Variants in ZNF273 observed in about 807,000 individuals in gnomAD.
ZNF273 encodes the protein zinc finger protein 273, also known as zinc finger protein 9.
Under a neutral mutation model 14.9 loss-of-function variants are expected in ZNF273, and 11 were observed. The ratio of observed to expected loss-of-function variants is 0.74; its 90% CI spans 0.46 to 1.22. ZNF273 has a LOEUF of 1.22. Ranked by LOEUF, ZNF273 falls within the 50% of genes most tolerant of loss-of-function variation. ZNF273 has a pLI of 0.00. For missense variants in ZNF273, 577 were observed against 660.6 expected (o/e 0.87, Z 1.39); for synonymous variants, 199 against 223.9 (o/e 0.89, Z 0.99).
intron 1 of ZNF273, chr7:64,888,442 T>C (rs1250449270): frequency 4.1e-6 from 4 of 985,642 alleles, no homozygotes; most frequent in Non-Finnish European, 4.8e-6. Context: ...AGGGCCTGGC[T>C]CTCAAGGAAG....
rs548285019 is a variant in ZNF273 at position 64,930,732 on chromosome 7, T to C, written c.*1694T>C. On this transcript the variant is annotated 3_prime_UTR_variant, in exon 4 of 4. Transcript: ENST00000476120. ...GGTTTTACATTTATATTTTTTCTTA[T>C]TTAAATTTATTGTTCTTATTTTTCA... is the stretch of plus-strand genomic sequence containing the variant. 4 of 152,268 alleles carry C rather than the reference T, an allele frequency of 2.6e-5. No individual in the cohort carries two copies. The highest frequency in any genetic ancestry group is 2.1e-4 in the South Asian group (1 of 4,832). The allele number at this position is 152,268 out of a possible 1,614,324, so 9.4% of individuals were successfully genotyped here.
chr7:64,931,950 G>T (rs1794999094), downstream of ZNF273, among the ~76,000 whole-genome samples: 1 of 151,984 alleles, frequency 6.6e-6, no homozygotes, highest in South Asian at 2.1e-4. Flanking sequence ...ATTCAGTTTT[G>T]TTTGTCTTAT....
chr7:64,919,628 C>CA (rs1417714024), intron 3 of ZNF273, among the ~76,000 whole-genome samples: 3 of 151,888 alleles, frequency 2.0e-5, no homozygotes. Flanking sequence ...GCAAAACGGT[C>CA]AAAAAAGATT....
chr7:64,918,078 T>G (rs954518224), intron 2 of ZNF273, 119 bp from the exon 3 acceptor site: 13 of 886,404 alleles, frequency 1.5e-5, no homozygotes, highest in Non-Finnish European at 2.1e-5. Context: ...CATTACTAAT[T>G]AGATATTTTG....
chr7:64,916,191 A>T (rs1025707064), intron 1 of ZNF273, among the ~76,000 whole-genome samples: 1 of 151,888 alleles, frequency 6.6e-6, no homozygotes, highest in African/African-American at 2.4e-5. Context: ...AAAAAAAATT[A>T]TTAGGAGAAA....
chr7:64,929,006 CAT>C lies in ZNF273; in HGVS notation c.1680_1681del (p.His560GlnfsTer7). On this transcript the variant is annotated frameshift_variant, in exon 4 of 4. Transcript: ENST00000476120. LOFTEE classifies it high-confidence loss of function. ...AFDNTPNFSR[H>X]KRNHMGEKS is the part of the protein sequence containing the mutation. ...TGACAACACCCCAAACTTTTCTAGA[CAT>C]AAAAGAAATCATATGGGTGAGAAAT... The C allele has an allele frequency of 6.4e-7, 1 of 1,560,408 alleles. No individual in the cohort carries two copies. Among genetic ancestry groups the C allele is most frequent in the Non-Finnish European group, 8.6e-7 (1 of 1,158,452 alleles).
At chr7:64,936,626 A>G in the ZNF273 span, among the ~76,000 whole-genome samples, 1 of 152,270 alleles carries the variant, frequency 6.6e-6, no homozygotes, top group Non-Finnish European at 1.5e-5. Flanking sequence ...ATTCCAGGTA[A>G]GTCAGAGACA....
upstream of ZNF273, among the ~76,000 whole-genome samples, chr7:64,901,298 C>T (rs546558367): frequency 1.2e-4 from 19 of 152,294 alleles, no homozygotes; most frequent in Non-Finnish European, 2.1e-4. Flanking sequence ...CTACCGTGCC[C>T]GGCGCTGGTA....
At chr7:64,927,625 G>A in intron 3 of ZNF273, 29 bp from the exon 4 acceptor site, 1 of 1,522,610 alleles carries the variant, frequency 6.6e-7, no homozygotes, top group Non-Finnish European at 8.8e-7. Flanking sequence ...TCTAGTAAGT[G>A]GGGTAATTGT....
rs1238122495 is a variant in ZNF273, at chr7:64,929,521, TGGGA to T, written c.*486_*489del. 1 of 152,196 alleles carries T rather than the reference TGGGA, an allele frequency of 6.6e-6. No individual in the cohort carries two copies. The highest frequency in any genetic ancestry group is 2.4e-5 in the African/African-American group (1 of 41,422). The allele number at this position is 152,196 out of a possible 1,614,324, so 9.4% of individuals were successfully genotyped here. On this transcript the variant is annotated 3_prime_UTR_variant, in exon 4 of 4. Coordinates refer to ENST00000476120, the MANE Select transcript of ZNF273 (RefSeq NM_021148.3). ...TTTTTCAACAACAGCTTAGAAAACA[TGGGA>T]GGAATTACACTAAAATATATTTTTG... is the stretch of plus-strand genomic sequence containing the variant.
chr7:64,889,152 G>C (rs780979340), downstream of ZNF273: 2 of 985,962 alleles, frequency 2.0e-6, no homozygotes, highest in Non-Finnish European at 2.4e-6. The surrounding 1 kb of genome is among the most constrained non-coding windows in gnomAD (Gnocchi z 4.2). Flanking sequence ...GGGACGCCCG[G>C]GCTGAGCTGA....
downstream of ZNF273, among the ~76,000 whole-genome samples, chr7:64,892,048 C>T (rs1182056147): frequency 6.6e-6 from 1 of 152,176 alleles, no homozygotes; most frequent in African/African-American, 2.4e-5. Context: ...GACCCTGGCT[C>T]CTAGGTGTCC....
chr7:64,916,528 G>A (rs1425728469), intron 1 of ZNF273, among the ~76,000 whole-genome samples: 8 of 135,776 alleles, frequency 5.9e-5, no homozygotes, highest in African/African-American at 2.2e-4. Context: ...CTGGGCAAGG[G>A]AGCAAAACTG....
At chr7:64,878,143 C>T (rs1758723449) in intron 1 of ZNF273, among the ~76,000 whole-genome samples, 1 of 152,006 alleles carries the variant, frequency 6.6e-6, no homozygotes. Context: ...TTTGGTGCGC[C>T]TCTCTGTGTG....
downstream of ZNF273, among the ~76,000 whole-genome samples, chr7:64,935,482 A>G (rs1795052212): frequency 6.6e-6 from 1 of 152,062 alleles, no homozygotes; most frequent in Non-Finnish European, 1.5e-5. Context: ...TGTATTTATC[A>G]TGTATGTTGA....
downstream of ZNF273, among the ~76,000 whole-genome samples, chr7:64,934,962 T>C (rs964794168): frequency 2.6e-5 from 4 of 152,198 alleles, no homozygotes; most frequent in African/African-American, 9.6e-5. Flanking sequence ...GTATTTAATT[T>C]CTTCCTTTAA....
intron 1 of ZNF273, among the ~76,000 whole-genome samples, chr7:64,887,265 C>T (rs1195084119): frequency 6.6e-6 from 1 of 152,344 alleles, no homozygotes; most frequent in Non-Finnish European, 1.5e-5. Context: ...AATGCACAGC[C>T]TGCCTTACCA....
At chr7:64,903,124 C>T, upstream of ZNF273, 1 of 506,864 alleles carries the variant, frequency 2.0e-6, no homozygotes, top group Non-Finnish European at 3.6e-6. Context: ...CTTCTTTCAG[C>T]CCAGCAACTG....
At chr7:64,924,542 C>T (rs73137833) in intron 3 of ZNF273, 23,528 of 152,034 alleles carry the variant, frequency 0.15, 2,217 homozygotes, top group East Asian at 0.28. Flanking sequence ...CACGCGCGCG[C>T]GCAAATTTGT....
Sources: gnomAD v4.1 joint callset for allele counts (sites outside exome capture counted in the v4.1 genomes callset) on GRCh38, gnomAD v4.1.1 for gene constraint, Gnocchi (gnomAD v3.1) non-coding constraint, MANE v1.5 for transcripts, NCBI Gene and HGNC (gene_info 2026-07-23, HGNC 2026-07-21) for gene names.